The following TNR variants were observed in gnomAD, a reference collection of about 807,000 sequenced individuals.
The protein encoded by TNR is tenascin R.
Under a neutral mutation model 150.4 loss-of-function variants are expected in TNR, and 45 were observed. That is an observed-to-expected ratio of 0.30 (90% CI 0.24 to 0.38). TNR has a LOEUF of 0.38. Ranked by LOEUF, TNR falls within the 10% of genes least tolerant of loss-of-function variation. The pLI, the probability that TNR is intolerant of heterozygous loss-of-function variation, is 1.00. For synonymous variants in TNR, 687 were observed against 678.4 expected (o/e 1.01, Z -0.20); for missense variants, 1,544 against 1,759.1 (o/e 0.88, Z 2.19).
At chr1:175,477,814 G>T (rs1657615081) in intron 2 of TNR, among the ~76,000 whole-genome samples, 1 of 152,230 alleles carries the variant, frequency 6.6e-6, no homozygotes, top group Non-Finnish European at 1.5e-5. Flanking sequence ...AAGCGTTACA[G>T]GTTCCCTGTC....
chr1:175,447,244 G>T (rs1007531120), intron 2 of TNR, among the ~76,000 whole-genome samples: 14 of 152,082 alleles, frequency 9.2e-5, no homozygotes, highest in African/African-American at 3.4e-4. Flanking sequence ...GGAGGGGAGA[G>T]GCCTGGTCCC....
intron 1 of TNR, among the ~76,000 whole-genome samples, chr1:175,736,734 C>T (rs1558098065): frequency 6.6e-6 from 1 of 152,022 alleles, no homozygotes; most frequent in Non-Finnish European, 1.5e-5. Flanking sequence ...AGAACTTAGT[C>T]TCTGTCCAGG....
intron 2 of TNR, among the ~76,000 whole-genome samples, chr1:175,501,431 C>T (rs892502273): frequency 1.3e-5 from 2 of 152,184 alleles, no homozygotes; most frequent in Non-Finnish European, 2.9e-5. Context: ...CCCCAACCAC[C>T]TGAATGAGCT....
intron 2 of TNR, among the ~76,000 whole-genome samples, chr1:175,434,255 C>T (rs1378054067): frequency 1.3e-5 from 2 of 152,128 alleles, no homozygotes; most frequent in Admixed American, 6.5e-5. Context: ...AGAGAAGCTC[C>T]ACCTTTTATG....
intron 2 of TNR, among the ~76,000 whole-genome samples, chr1:175,517,054 AGAGAAAGAG>A (rs1557981574): frequency 6.7e-5 from 9 of 134,858 alleles, no homozygotes; most frequent in African/African-American, 2.7e-4. Flanking sequence ...AGAGAGAGAG[AGAGAAAGAG>A]AGAGAGACCT....
At chr1:175,355,119 A>C (rs1204328577) in intron 17 of TNR, among the ~76,000 whole-genome samples, 2 of 152,316 alleles carry the variant, frequency 1.3e-5, no homozygotes, top group African/African-American at 4.8e-5. Flanking sequence ...TTGTTGAAAA[A>C]CTATTCCAAT....
At chr1:175,592,396 G>A (rs972040530) in intron 1 of TNR, among the ~76,000 whole-genome samples, 3 of 152,232 alleles carry the variant, frequency 2.0e-5, no homozygotes, top group Non-Finnish European at 4.4e-5. Context: ...GTTTGGCAAT[G>A]CCACTTTATG....
At chr1:175,466,912 G>A (rs1014062762) in intron 2 of TNR, among the ~76,000 whole-genome samples, 1 of 152,096 alleles carries the variant, frequency 6.6e-6, no homozygotes, top group South Asian at 2.1e-4. Flanking sequence ...ACAGGAGACA[G>A]TCCCGAACTT....
intron 9 of TNR, among the ~76,000 whole-genome samples, chr1:175,367,739 C>A (rs1360776003): frequency 2.6e-5 from 4 of 152,146 alleles, no homozygotes; most frequent in African/African-American, 4.8e-5. Flanking sequence ...AAGGACCAAG[C>A]TACACCTTTT....
chr1:175,580,167 G>T (rs1263052693), intron 1 of TNR, among the ~76,000 whole-genome samples: 1 of 152,218 alleles, frequency 6.6e-6, no homozygotes, highest in Non-Finnish European at 1.5e-5. Flanking sequence ...CACATGAGGT[G>T]TGGCCAATTA....
intron 1 of TNR, among the ~76,000 whole-genome samples, chr1:175,614,828 G>A (rs575101564): frequency 6.5e-4 from 99 of 152,350 alleles, no homozygotes; most frequent in African/African-American, 2.2e-3. Flanking sequence ...ACACAGAGAC[G>A]TCTCAGCACT....
chr1:175,390,400 C>T (rs1423864106), intron 7 of TNR, among the ~76,000 whole-genome samples: 1 of 152,202 alleles, frequency 6.6e-6, no homozygotes, highest in Non-Finnish European at 1.5e-5. Flanking sequence ...GTTGCTTAGC[C>T]TCTGAGTTTC....
chr1:175,436,942 A>G (rs768869874), intron 2 of TNR, among the ~76,000 whole-genome samples: 9 of 152,220 alleles, frequency 5.9e-5, no homozygotes, highest in Non-Finnish European at 1.2e-4. Flanking sequence ...GGAGACTTTA[A>G]CACCCCATTG....
At chr1:175,657,161 A>C (rs1447021679) in intron 1 of TNR, among the ~76,000 whole-genome samples, 4 of 152,218 alleles carry the variant, frequency 2.6e-5, no homozygotes, top group Non-Finnish European at 5.9e-5. Flanking sequence ...GGATGTTCTG[A>C]GGTCCCCATC....
At chr1:175,529,752 C>T (rs75788149) in intron 1 of TNR, among the ~76,000 whole-genome samples, 2,076 of 152,298 alleles carry the variant, frequency 0.014, 51 homozygotes, top group African/African-American at 0.046. Flanking sequence ...AACTCCCCCT[C>T]CTGTTTGCTT....
chr1:175,457,898 A>G (rs998456245), intron 2 of TNR, among the ~76,000 whole-genome samples: 1 of 152,240 alleles, frequency 6.6e-6, no homozygotes, highest in South Asian at 2.1e-4. Context: ...AAAAATTGAT[A>G]TCATAAAAGC....
intron 2 of TNR, among the ~76,000 whole-genome samples, chr1:175,483,551 CA>C (rs2102130660): frequency 6.6e-6 from 1 of 152,250 alleles, no homozygotes; most frequent in African/African-American, 2.4e-5. Flanking sequence ...TGTGTAAATA[CA>C]AGCCAGAAGG....
At chr1:175,691,954 C>T (rs1666379880) in intron 1 of TNR, among the ~76,000 whole-genome samples, 2 of 152,188 alleles carry the variant, frequency 1.3e-5, no homozygotes, top group Admixed American at 1.3e-4. Flanking sequence ...AGAATACCCA[C>T]ATTCATCTCT....
At chr1:175,654,563 T>C (rs1284349706) in intron 1 of TNR, among the ~76,000 whole-genome samples, 1 of 152,094 alleles carries the variant, frequency 6.6e-6, no homozygotes, top group Non-Finnish European at 1.5e-5. Context: ...CCAGCAAAGC[T>C]GGACTATTTC....
Sources: allele counts gnomAD v4.1 joint callset (sites outside exome capture counted in the v4.1 genomes callset), GRCh38; gene constraint gnomAD v4.1.1; transcripts MANE v1.5; gene names NCBI Gene and HGNC (gene_info 2026-07-23, HGNC 2026-07-21).